The following CHFR variants were observed in gnomAD, a reference collection of about 807,000 sequenced individuals.
CHFR encodes E3 ubiquitin-protein ligase CHFR.
A neutral mutation model predicts 87.6 loss-of-function variants in CHFR; 57 were observed. The observed-to-expected ratio is 0.65, with a 90% CI of 0.53 to 0.81. The LOEUF (loss-of-function observed/expected upper bound fraction) is 0.81. Among genes scored for constraint, CHFR ranks in the 30% least tolerant of loss-of-function variants. CHFR has a pLI of 0.00. For synonymous variants in CHFR, 381 were observed against 359.2 expected, an observed-to-expected ratio of 1.06 and a Z score of -0.69; for missense variants, 797 against 865.8, an observed-to-expected ratio of 0.92 and a Z score of 1.00.
Position 132,839,008 on chromosome 12 carries a change from C to G in CHFR, c.*2546G>C, listed in dbSNP as rs992112257. 5.9e-5 allele frequency: 9 copies of G among 152,306 alleles called. No homozygotes were observed. The highest frequency in any genetic ancestry group is 5.9e-4 in the Admixed American group (9 of 15,282). 9.4% of individuals were successfully genotyped at this position (152,306 alleles called of 1,614,324 possible). On this transcript the variant is annotated 3_prime_UTR_variant, in exon 18 of 18. Transcript: ENST00000450056. ...AGGTAGAAATCCTCTTCACAGTGGG[C>G]CAGGAGTTGGACTTCTCTGAAGGAC...
intron 10 of CHFR, chr12:132,854,774 C>G (rs1203986192): frequency 6.6e-6 from 1 of 151,642 alleles, no homozygotes; most frequent in Non-Finnish European, 1.5e-5. Flanking sequence ...CCACTGCACT[C>G]CAGCCTGGGC....
chr12:132,857,691 A>C (rs1250448125), intron 8 of CHFR, 132 bp from the exon 9 acceptor site: 1 of 809,726 alleles, frequency 1.2e-6, no homozygotes, highest in East Asian at 2.7e-5. Flanking sequence ...AAAACCCTTT[A>C]AGTCAGTCTT....
intron 12 of CHFR, among the ~76,000 whole-genome samples, chr12:132,851,351 G>T (rs1330466632): frequency 6.6e-6 from 1 of 152,130 alleles, no homozygotes; most frequent in Admixed American, 6.6e-5. Flanking sequence ...ACATTATAAA[G>T]CAACCACAGT....
chr12:132,886,460 A>C (rs1951897292), intron 2 of CHFR, among the ~76,000 whole-genome samples: 1 of 152,030 alleles, frequency 6.6e-6, no homozygotes, highest in Non-Finnish European at 1.5e-5. Context: ...CTAATTCATT[A>C]ATTTTCAGAC....
intron 2 of CHFR, among the ~76,000 whole-genome samples, chr12:132,878,127 C>T (rs1951672293): frequency 6.6e-6 from 1 of 152,074 alleles, no homozygotes; most frequent in South Asian, 2.1e-4. Flanking sequence ...TGAATCCCCA[C>T]CCTCTCAAAG....
chr12:132,856,357 G>A (rs2136961250), intron 10 of CHFR, 111 bp downstream of exon 10: 3 of 1,181,010 alleles, frequency 2.5e-6, no homozygotes, highest in Middle Eastern at 2.9e-4. Context: ...GCTGCTCAGG[G>A]CAGAACTAGA....
In CHFR at chr12:132,856,858, G is replaced by A. The variant is rs1319486570; in HGVS notation, c.1067-228C>T. Reference sequence around the variant, plus strand: ...GTGGAGGGACCGCCCTCACATGCCTGGGTGCTGGTGTGTGGATGCCCTCAC... The same window carrying A: ...GTGGAGGGACCGCCCTCACATGCCTAGGTGCTGGTGTGTGGATGCCCTCAC... On this transcript the variant is annotated intron_variant, in intron 9 of 17. Transcript: ENST00000450056. Among the ~76,000 whole-genome samples, 9 of 147,472 alleles carry A rather than the reference G, an allele frequency of 6.1e-5. No homozygotes were observed. In the East Asian group the frequency reaches 1.4e-3, roughly 24 times the overall value.
intron 7 of CHFR, 74 bp from the exon 8 acceptor site, chr12:132,859,301 C>T: frequency 7.1e-7 from 1 of 1,411,062 alleles, no homozygotes; most frequent in Non-Finnish European, 9.8e-7. Context: ...GGTCCCCGTC[C>T]ACAGGAGAAA....
At chr12:132,875,459 T>C (rs535006652) in intron 3 of CHFR, among the ~76,000 whole-genome samples, 3 of 152,042 alleles carry the variant, frequency 2.0e-5, no homozygotes, top group Non-Finnish European at 4.4e-5. Flanking sequence ...CTGGCTAGCA[T>C]TGTGAAACCC....
rs528150645 is a variant in CHFR, at chr12:132,859,330, C to T, written c.752-103G>A. On this transcript the variant is annotated intron_variant, in intron 7 of 17. Coordinates refer to ENST00000450056, the MANE Select transcript of CHFR (RefSeq NM_001161346.2). ...GGAGAAAGGGATGTGTTCTAACTGTCGTAACCGAGAAGGAAATACATGCAG... is the reference window on the plus strand; with the variant it reads ...GGAGAAAGGGATGTGTTCTAACTGTTGTAACCGAGAAGGAAATACATGCAG... 154 of 1,128,652 alleles carry T rather than the reference C, an allele frequency of 1.4e-4. No individual in the cohort carries two copies. The African/African-American group carries it at 2.0e-3, about 14-fold the overall frequency. 69.9% of individuals were successfully genotyped at this position (1,128,652 alleles called of 1,614,324 possible).
At chr12:132,861,441 G>C in intron 7 of CHFR, 26 bp downstream of exon 7, 1 of 1,610,782 alleles carries the variant, frequency 6.2e-7, no homozygotes, top group Non-Finnish European at 8.5e-7. Flanking sequence ...CGAGAGGACT[G>C]AGGACACACA....
chr12:132,885,307 A>G (rs1187211541), intron 2 of CHFR, among the ~76,000 whole-genome samples: 1 of 151,054 alleles, frequency 6.6e-6, no homozygotes, highest in Non-Finnish European at 1.5e-5. Context: ...GCTACTCGGG[A>G]GGCTGAGGCA....
chr12:132,864,338 C>T (rs536797142), intron 6 of CHFR, among the ~76,000 whole-genome samples: 2 of 152,222 alleles, frequency 1.3e-5, no homozygotes. Flanking sequence ...CCGTGCTCAG[C>T]CAACGTGGAG....
chr12:132,850,759 C>T (rs76732780), intron 12 of CHFR, among the ~76,000 whole-genome samples: 6,309 of 152,152 alleles, frequency 0.041, 192 homozygotes, highest in Middle Eastern at 0.1. Context: ...AGAGCAACAC[C>T]GGTGTGTGCG....
intron 2 of CHFR, among the ~76,000 whole-genome samples, chr12:132,881,581 C>A (rs1593536223): frequency 6.6e-6 from 1 of 151,900 alleles, no homozygotes; most frequent in African/African-American, 2.4e-5. Flanking sequence ...AAAATACTGA[C>A]CACGGGCCGG....
intron 17 of CHFR, 87 bp from the exon 18 acceptor site, chr12:132,841,683 C>G: frequency 4.8e-6 from 5 of 1,050,206 alleles, no homozygotes; most frequent in Non-Finnish European, 7.5e-6. Flanking sequence ...GAAAGGCATT[C>G]AAATAAACGC....
intron 2 of CHFR, among the ~76,000 whole-genome samples, chr12:132,879,465 A>C (rs1041402867): frequency 2.7e-5 from 4 of 146,416 alleles, no homozygotes; most frequent in Non-Finnish European, 6.0e-5. Context: ...ATCTCAGCTC[A>C]CTGCAACCTC....
At chr12:132,847,642 AG>A (rs1188705980) in intron 14 of CHFR, 1 of 1,081,636 alleles carries the variant, frequency 9.2e-7, no homozygotes, top group African/African-American at 1.7e-5. Flanking sequence ...GCTCGGCAGG[AG>A]GGCGAATGCG....
rs778169456 is a variant in CHFR at position 132,853,439 on chromosome 12, A to C, written c.1364T>G (p.Leu455Arg). 9.2e-6 allele frequency: 14 copies of C among 1,522,560 alleles called. No individual in the cohort carries two copies. The highest frequency in any genetic ancestry group is 7.5e-5 in the East Asian group (3 of 39,750). The allele number at this position is 1,522,560 out of a possible 1,614,324, so 94.3% of individuals were successfully genotyped here. The change falls in exon 11 of 18, where the codon CTG becomes CGG. Residue 455 changes from leucine to arginine, a missense_variant. Leu to Arg is a moderately radical substitution (Grantham distance 102). Transcript: ENST00000450056. Reference sequence around the variant, plus strand: ...AGGGCGGCGCGGCTCACCTGTCGTCAGGCTGACGGACGTGGAGGGTGCATC... The same window carrying C: ...AGGGCGGCGCGGCTCACCTGTCGTCCGGCTGACGGACGTGGAGGGTGCATC... ...LGDAPSTSVS[L>R]TTAVQDYVCP... is the part of the protein sequence containing the mutation.
Sources: gnomAD v4.1 joint callset for allele counts (sites outside exome capture counted in the v4.1 genomes callset) on GRCh38, gnomAD v4.1.1 for gene constraint, MANE v1.5 for transcripts, NCBI Gene and HGNC (gene_info 2026-07-23, HGNC 2026-07-21) for gene names.